Variants in MAEL observed in about 807,000 individuals in gnomAD.
MAEL encodes maelstrom spermatogenic transposon silencer, also known as protein maelstrom homolog.
MAEL carries 46 observed loss-of-function variants against 62.0 expected under a neutral mutation model. The observed-to-expected ratio is 0.74, with a 90% confidence interval of 0.59 to 0.95. The LOEUF (loss-of-function observed/expected upper bound fraction) is 0.95, where lower values mean the gene tolerates loss of function less well. Ranked by LOEUF, MAEL falls within the 40% of genes least tolerant of loss-of-function variation. MAEL has a pLI of 0.00. For synonymous variants in MAEL, 172 were observed against 175.5 expected (o/e 0.98, Z 0.16); for missense variants, 497 against 526.8 (o/e 0.94, Z 0.55).
At chr1:167,018,935 A>G (rs1008787968) in intron 10 of MAEL, among the ~76,000 whole-genome samples, 12 of 152,306 alleles carry the variant, frequency 7.9e-5, no homozygotes, top group African/African-American at 2.9e-4. Context: ...TGGTGTTTAC[A>G]CAATTCTGTA....
At chr1:166,999,163 A>T (rs1381930388) in intron 5 of MAEL, among the ~76,000 whole-genome samples, 3 of 152,238 alleles carry the variant, frequency 2.0e-5, no homozygotes, top group Admixed American at 6.5e-5. Flanking sequence ...ACTTTAAATC[A>T]AAAGCTAGAA....
intron 3 of MAEL, 36 bp downstream of exon 3, chr1:166,991,513 T>A: frequency 7.9e-7 from 1 of 1,261,634 alleles, no homozygotes; most frequent in South Asian, 1.2e-5. Context: ...TGAGATAAAT[T>A]TGAGTGCCCA....
intron 5 of MAEL, among the ~76,000 whole-genome samples, chr1:166,998,308 T>A (rs1021376712): frequency 6.6e-6 from 1 of 152,232 alleles, no homozygotes; most frequent in Non-Finnish European, 1.5e-5. Flanking sequence ...TAAAATTTTA[T>A]AATTTTCTCC....
chr1:166,996,543 T>C (rs900732200), intron 5 of MAEL, among the ~76,000 whole-genome samples: 1 of 152,200 alleles, frequency 6.6e-6, no homozygotes, highest in Non-Finnish European at 1.5e-5. Flanking sequence ...ATTTAAGGTA[T>C]AACGAACATT....
In MAEL at chr1:166,991,630, T is replaced by G. The variant is rs564979859; in HGVS notation, c.325+153T>G. Among the ~76,000 whole-genome samples the G allele has an allele frequency of 1.1e-4, 17 of 152,276 alleles. No individual in the cohort carries two copies. In the East Asian group the frequency reaches 2.5e-3, roughly 22 times the overall value. ...TTGTGGTACTGACATTATAAAAGAT[T>G]AGGTAATTTGTTGAAATAAAATAGG... On this transcript the variant is annotated intron_variant, in intron 3 of 11. Transcript: ENST00000367872.
intron 1 of MAEL, among the ~76,000 whole-genome samples, chr1:166,980,225 T>C (rs534349393): frequency 8.1e-4 from 124 of 152,180 alleles, no homozygotes; most frequent in African/African-American, 2.9e-3. Flanking sequence ...TGCATCTTGC[T>C]ATGTTGCCCA....
At chr1:167,016,385 T>A in intron 9 of MAEL, 101 bp downstream of exon 9, 3 of 1,023,926 alleles carry the variant, frequency 2.9e-6, no homozygotes, top group Non-Finnish European at 4.5e-6. Flanking sequence ...TAACTCTGTT[T>A]CCACAATGCT....
chr1:166,987,674 T>C (rs1034375739), upstream of MAEL, among the ~76,000 whole-genome samples: 2 of 152,212 alleles, frequency 1.3e-5, no homozygotes, highest in Admixed American at 6.5e-5. Flanking sequence ...ACACTTTTTC[T>C]AGGAAAATAT....
chr1:166,984,052 A>G (rs1663843720), intron 1 of MAEL, among the ~76,000 whole-genome samples: 1 of 151,808 alleles, frequency 6.6e-6, no homozygotes, highest in Non-Finnish European at 1.5e-5. Context: ...GATAACAGAA[A>G]TTATTGGGAG....
At chr1:167,016,379 T>G (rs1215819491) in intron 9 of MAEL, 95 bp downstream of exon 9, 19 of 1,133,616 alleles carry the variant, frequency 1.7e-5, no homozygotes. Context: ...TCGGGGTAAC[T>G]CTGTTTCCAC....
rs1223494844 is a variant in MAEL, at chr1:166,991,428, G to A, written c.276G>A (p.Gln92=). 6.2e-7 allele frequency: 1 copy of A among 1,613,468 alleles called. No homozygotes were observed. Among genetic ancestry groups the A allele is most frequent in the Non-Finnish European group, 8.5e-7 (1 of 1,179,608 alleles). The part of the protein sequence containing the change: ...LRRPGMLVPK[Q]NVSPPDMSAL... Reference sequence around the variant, plus strand: ...GGCCAGGCATGCTTGTACCAAAGCAGAATGTTTCACCTCCAGATATGTCAG... The same window carrying A: ...GGCCAGGCATGCTTGTACCAAAGCAAAATGTTTCACCTCCAGATATGTCAG... The change falls in exon 3 of 12, where the codon CAG becomes CAA. Residue 92 remains glutamine (Q), a synonymous_variant. Transcript: ENST00000367872.
At chr1:166,980,719 T>G (rs1268763666) in intron 1 of MAEL, among the ~76,000 whole-genome samples, 1 of 152,200 alleles carries the variant, frequency 6.6e-6, no homozygotes, top group African/African-American at 2.4e-5. Context: ...TATTTCATGG[T>G]TAGCATCCTT....
At chr1:167,009,368 G>T (rs749541605) in intron 8 of MAEL, among the ~76,000 whole-genome samples, 1 of 152,100 alleles carries the variant, frequency 6.6e-6, no homozygotes, top group Non-Finnish European at 1.5e-5. Flanking sequence ...ATGGCTTTGT[G>T]TGTTCCTTTT....
chr1:167,014,505 T>C (rs918298589), intron 8 of MAEL, among the ~76,000 whole-genome samples: 3 of 152,224 alleles, frequency 2.0e-5, no homozygotes, highest in African/African-American at 7.2e-5. Context: ...ATACTAGTCA[T>C]GTATGGTAAA....
At chr1:167,011,258 T>C (rs1665162136) in intron 8 of MAEL, among the ~76,000 whole-genome samples, 1 of 152,222 alleles carries the variant, frequency 6.6e-6, no homozygotes, top group Non-Finnish European at 1.5e-5. Flanking sequence ...CCATTGGAAA[T>C]TACAGTTTTC....
At chr1:167,020,946 C>T in intron 10 of MAEL, 139 bp from the exon 11 acceptor site, 1 of 710,888 alleles carries the variant, frequency 1.4e-6, no homozygotes, top group Non-Finnish European at 2.5e-6. Context: ...CCCTTTGCAG[C>T]AAAAATTGAT....
At chr1:166,997,124 C>T (rs1664463570) in intron 5 of MAEL, among the ~76,000 whole-genome samples, 1 of 152,186 alleles carries the variant, frequency 6.6e-6, no homozygotes, top group Admixed American at 6.5e-5. Context: ...CCACGCCTGG[C>T]CCCCCTGGGC....
chr1:166,988,967 C>G (rs1398169513), upstream of MAEL: 1 of 204,192 alleles, frequency 4.9e-6, no homozygotes, highest in Admixed American at 5.2e-5. Context: ...GCTGGCTGGC[C>G]CTTTGTACCT....
chr1:166,992,254 A>G (rs192022217), intron 3 of MAEL, among the ~76,000 whole-genome samples: 11 of 152,252 alleles, frequency 7.2e-5, no homozygotes, highest in Non-Finnish European at 1.6e-4. Context: ...GGTTTTATAT[A>G]TATTGGTAAA....
Sources: gnomAD v4.1 joint callset for allele counts (sites outside exome capture counted in the v4.1 genomes callset) on GRCh38, gnomAD v4.1.1 for gene constraint, MANE v1.5 for transcripts, NCBI Gene and HGNC (gene_info 2026-07-23, HGNC 2026-07-21) for gene names.